The following C18orf63 variants were observed in gnomAD, a reference collection of about 807,000 sequenced individuals.
C18orf63 encodes chromosome 18 open reading frame 63.
Under a neutral mutation model 75.3 loss-of-function variants are expected in C18orf63, and 50 were observed. The ratio of observed to expected loss-of-function variants is 0.66; its 90% CI spans 0.53 to 0.84. The LOEUF is 0.84. Ranked by LOEUF, C18orf63 falls within the 40% of genes least tolerant of loss-of-function variation. The pLI is 0.00. For missense variants in C18orf63, 732 were observed against 800.2 expected, an observed-to-expected ratio of 0.91 and a Z score of 1.03; for synonymous variants, 232 against 267.6, an observed-to-expected ratio of 0.87 and a Z score of 1.30.
intron 11 of C18orf63, among the ~76,000 whole-genome samples, chr18:74,350,242 TC>T (rs1460941427): frequency 1.3e-5 from 2 of 152,074 alleles, no homozygotes; most frequent in Non-Finnish European, 2.9e-5. Context: ...GAAAAACAGC[TC>T]CCTCCTCTCT....
chr18:74,325,243 A>T (rs141599450), intron 4 of C18orf63, among the ~76,000 whole-genome samples: 72 of 152,242 alleles, frequency 4.7e-4, no homozygotes, highest in African/African-American at 1.7e-3. Context: ...GATTTTCTTC[A>T]GTTAAAAAAC....
chr18:74,346,396 G>A lies in C18orf63; in HGVS notation c.978+2694G>A, dbSNP rs567373423. Among the ~76,000 whole-genome samples, 6 of 152,194 alleles carry A rather than the reference G, an allele frequency of 3.9e-5. No individual in the cohort carries two copies. In the South Asian group the frequency reaches 1.0e-3, roughly 26 times the overall value. ...ACATGTAAATTTAGAATTGAGAGTT[G>A]TTTATCTTCCTGGTCAGGGGTCAAC... is the stretch of plus-strand genomic sequence containing the variant. On this transcript the variant is annotated intron_variant, in intron 11 of 13. Coordinates refer to ENST00000579455, the MANE Select transcript of C18orf63 (RefSeq NM_001174123.2).
intron 4 of C18orf63, among the ~76,000 whole-genome samples, chr18:74,327,600 G>T (rs967851057): frequency 6.6e-6 from 1 of 152,152 alleles, no homozygotes; most frequent in African/African-American, 2.4e-5. Flanking sequence ...TAATGAGAAC[G>T]ATTACAAGTT....
At position 74,357,255 on chromosome 18, in the gene C18orf63, A is replaced by G. The variant is rs1253562873; in HGVS notation, c.*808A>G. Reference sequence around the variant, plus strand: ...AACACTGTGTCCATGGCAGAAATGGATGAGACAGCCGTGGCCTGAGCCCCT... The same window carrying G: ...AACACTGTGTCCATGGCAGAAATGGGTGAGACAGCCGTGGCCTGAGCCCCT... On this transcript the variant is annotated 3_prime_UTR_variant, in exon 14 of 14. Transcript: ENST00000579455. The G allele has an allele frequency of 6.6e-6, 1 of 152,190 alleles. No homozygotes were observed. The highest frequency in any genetic ancestry group is 2.4e-5 in the African/African-American group (1 of 41,452). 9.4% of individuals were successfully genotyped at this position (152,190 alleles called of 1,614,324 possible).
intron 4 of C18orf63, among the ~76,000 whole-genome samples, chr18:74,325,625 G>T (rs1368480324): frequency 6.6e-6 from 1 of 152,184 alleles, no homozygotes; most frequent in African/African-American, 2.4e-5. Context: ...CAGTATTGAA[G>T]TCTTTACCTG....
Position 74,353,333 on chromosome 18 carries a change from G to C in C18orf63, c.1066G>C (p.Ala356Pro), listed in dbSNP as rs553634935. The change falls in exon 12 of 14, where the codon GCT (alanine) becomes CCT (proline). Residue 356 changes from alanine to proline, a missense_variant. By Grantham distance (27) the Ala-to-Pro change is conservative (BLOSUM62 -1). Coordinates refer to ENST00000579455, the MANE Select transcript of C18orf63 (RefSeq NM_001174123.2). ...TQATSRKPAC[A>P]QSLLPCSVAV... ...AGCCACTTCCAGAAAGCCTGCCTGT[G>C]CTCAAAGTCTTCTACCATGTTCAGT... The C allele has an allele frequency of 3.1e-4, 469 of 1,536,492 alleles. 4 individuals carry two copies. In the African/African-American group the frequency reaches 6.1e-3, roughly 20 times the overall value.
chr18:74,318,831 C>A (rs985367723), intron 2 of C18orf63, among the ~76,000 whole-genome samples: 1 of 151,218 alleles, frequency 6.6e-6, no homozygotes. Flanking sequence ...TAGAGGAAAC[C>A]TAAAGTATAA....
In C18orf63 at chr18:74,357,258, A is replaced by C. The variant is rs1183078425; in HGVS notation, c.*811A>C. The stretch of plus-strand genomic sequence containing the variant: ...ACTGTGTCCATGGCAGAAATGGATG[A>C]GACAGCCGTGGCCTGAGCCCCTGAG... On this transcript the variant is annotated 3_prime_UTR_variant, in exon 14 of 14. Coordinates refer to ENST00000579455, the MANE Select transcript of C18orf63 (RefSeq NM_001174123.2). 1 of 152,206 alleles carries C rather than the reference A, an allele frequency of 6.6e-6. No homozygotes were observed. The highest frequency in any genetic ancestry group is 1.9e-4 in the East Asian group (1 of 5,194). The allele number at this position is 152,206 out of a possible 1,614,324, so 9.4% of individuals were successfully genotyped here.
chr18:74,352,423 G>A (rs989349944), intron 11 of C18orf63, among the ~76,000 whole-genome samples: 1 of 152,146 alleles, frequency 6.6e-6, no homozygotes, highest in Non-Finnish European at 1.5e-5. Flanking sequence ...TTATGTGTAT[G>A]TGTGTGTGTA....
intron 11 of C18orf63, among the ~76,000 whole-genome samples, chr18:74,350,150 G>A (rs1475604802): frequency 1.3e-5 from 2 of 152,006 alleles, no homozygotes; most frequent in Non-Finnish European, 2.9e-5. Flanking sequence ...CTGCTCATAT[G>A]GTATCTCAAC....
intron 6 of C18orf63, among the ~76,000 whole-genome samples, chr18:74,329,869 C>T (rs556852461): frequency 2.0e-5 from 3 of 152,296 alleles, no homozygotes; most frequent in Non-Finnish European, 4.4e-5. Flanking sequence ...AGATGATAAT[C>T]CTGAGTCACC....
chr18:74,330,641 C>T (rs547120419), intron 6 of C18orf63, among the ~76,000 whole-genome samples: 1 of 152,036 alleles, frequency 6.6e-6, no homozygotes, highest in South Asian at 2.1e-4. Context: ...ATGACCTGCA[C>T]CCCCCACACA....
chr18:74,334,338 G>A (rs938427381), intron 7 of C18orf63, among the ~76,000 whole-genome samples: 2 of 151,864 alleles, frequency 1.3e-5, no homozygotes, highest in Non-Finnish European at 2.9e-5. Flanking sequence ...GGAGAAAAGA[G>A]GAGGAGGGTA....
Position 74,343,519 on chromosome 18 carries a change from A to C in C18orf63, c.795A>C (p.Thr265=). 2.0e-6 allele frequency: 3 copies of C among 1,516,578 alleles called. No individual in the cohort carries two copies. Among genetic ancestry groups the C allele is most frequent in the Non-Finnish European group, 2.6e-6 (3 of 1,137,490 alleles). 93.9% of individuals were successfully genotyped at this position (1,516,578 alleles called of 1,614,324 possible). A position where few individuals can be genotyped will look rare whatever the true frequency, so the allele number is the denominator to read the frequency against. Residue 265 remains threonine, a splice_region_variant and synonymous_variant, in exon 11 of 14, where the codon ACA becomes ACC. Transcript: ENST00000579455. ...YFKMLGERTF[T]YPLSCIRSQP... Reference sequence around the variant, plus strand: ...GACATTGTTCTTTAACATTGTTCAGATATCCTCTCAGTTGCATCAGAAGTC... The same window carrying C: ...GACATTGTTCTTTAACATTGTTCAGCTATCCTCTCAGTTGCATCAGAAGTC...
At chr18:74,350,568 C>A (rs1442773733) in intron 11 of C18orf63, among the ~76,000 whole-genome samples, 1 of 152,126 alleles carries the variant, frequency 6.6e-6, no homozygotes, top group African/African-American at 2.4e-5. Context: ...TCCTGGCCCT[C>A]TGAAGGAACC....
rs550633484 is a variant in C18orf63 at position 74,356,971 on chromosome 18, A to C, written c.*524A>C. ...ATATAATTTTACCCATAAACACCAA[A>C]GTGTATATATTTCTAACATAAGATA... On this transcript the variant is annotated 3_prime_UTR_variant, in exon 14 of 14. Transcript: ENST00000579455. 6.6e-6 allele frequency: 1 copy of C among 152,224 alleles called. No homozygotes were observed. Among genetic ancestry groups the C allele is most frequent in the Non-Finnish European group, 1.5e-5 (1 of 68,012 alleles). 9.4% of individuals were successfully genotyped at this position (152,224 alleles called of 1,614,324 possible).
Position 74,347,847 on chromosome 18 carries a change from A to G in C18orf63, c.978+4145A>G, listed in dbSNP as rs111401012. 6.0e-3 allele frequency among the ~76,000 whole-genome samples: 910 copies of G among 152,218 alleles called. 7 individuals are homozygous for G. The highest frequency in any genetic ancestry group is 0.021 in the African/African-American group (870 of 41,524). On this transcript the variant is annotated intron_variant, in intron 11 of 13. Transcript: ENST00000579455. ...ATACATAAAGGAAATTAGTATAATCACCTCTCATGTGCTTCTCATCTAGTT... is the reference window on the plus strand; with the variant it reads ...ATACATAAAGGAAATTAGTATAATCGCCTCTCATGTGCTTCTCATCTAGTT...
intron 11 of C18orf63, among the ~76,000 whole-genome samples, chr18:74,344,793 G>C (rs1349098137): frequency 6.6e-6 from 1 of 151,998 alleles, no homozygotes; most frequent in East Asian, 1.9e-4. Flanking sequence ...TTTATTATGT[G>C]ATTATGCTGC....
At chr18:74,346,420 A>C (rs1455987574) in intron 11 of C18orf63, among the ~76,000 whole-genome samples, 1 of 151,968 alleles carries the variant, frequency 6.6e-6, no homozygotes, top group Non-Finnish European at 1.5e-5. Flanking sequence ...TCAGGGGTCA[A>C]CTCCTCCTAC....
Sources: gnomAD v4.1 joint callset for allele counts (sites outside exome capture counted in the v4.1 genomes callset) on GRCh38, gnomAD v4.1.1 for gene constraint, MANE v1.5 for transcripts, NCBI Gene and HGNC (gene_info 2026-07-23, HGNC 2026-07-21) for gene names.